Variants in DCAF5 observed in about 807,000 individuals in gnomAD.
DCAF5 encodes DDB1- and CUL4-associated factor 5.
In DCAF5, 9 loss-of-function variants were observed where a neutral mutation model predicts 80.7. The observed-to-expected ratio is 0.11, with a 90% CI of 0.07 to 0.19. The LOEUF (loss-of-function observed/expected upper bound fraction) is 0.19, where lower values mean the gene tolerates loss of function less well. DCAF5 is among the 10% of genes least tolerant of loss of function. The pLI is 1.00. For missense variants in DCAF5, 842 were observed against 1,205.7 expected (o/e 0.70, Z 4.47); for synonymous variants, 433 against 461.9 (o/e 0.94, Z 0.80).
At chr14:69,111,522 AAAAT>A (rs2040365289) in intron 5 of DCAF5, among the ~76,000 whole-genome samples, 1 of 152,244 alleles carries the variant, frequency 6.6e-6, no homozygotes, top group Non-Finnish European at 1.5e-5. Context: ...TTCCTGACAG[AAAAT>A]AAAGAGATTG....
Position 69,053,254 on chromosome 14 carries a change from T to C in DCAF5, c.*603A>G, listed in dbSNP as rs1042474515. The C allele has an allele frequency of 6.6e-6, 1 of 152,304 alleles. No homozygotes were observed. The allele number at this position is 152,304 out of a possible 1,614,324, so 9.4% of individuals were successfully genotyped here. A position where few individuals can be genotyped will look rare whatever the true frequency, so the allele number is the denominator to read the frequency against. On this transcript the variant is annotated 3_prime_UTR_variant, in exon 9 of 9. Transcript: ENST00000341516. ...AAATGCTCAATAAAGAAGTGTTACT[T>C]AGAGAAAACATGGAAGATTTCTTTA... is the stretch of plus-strand genomic sequence containing the variant.
chr14:69,062,368 G>A lies in DCAF5; in HGVS notation c.1074+16C>T. ...TGAGAATTTCTCTAAAAGGACAGAA[G>A]GGGAAGGTGCCTCACCTTGATAATC... On this transcript the variant is annotated intron_variant, in intron 8 of 8. Coordinates refer to ENST00000341516, the MANE Select transcript of DCAF5 (RefSeq NM_003861.3). 1 of 1,612,106 alleles carries A rather than the reference G, an allele frequency of 6.2e-7. No homozygotes were observed. Among genetic ancestry groups the A allele is most frequent in the East Asian group, 2.2e-5 (1 of 44,884 alleles).
At chr14:69,059,816 C>T (rs2038136217) in intron 8 of DCAF5, among the ~76,000 whole-genome samples, 1 of 152,166 alleles carries the variant, frequency 6.6e-6, no homozygotes, top group Admixed American at 6.5e-5. Flanking sequence ...TTTCAAAGGG[C>T]TAAATGTGCC....
chr14:69,135,934 A>G (rs2041177828), intron 1 of DCAF5, among the ~76,000 whole-genome samples: 3 of 152,302 alleles, frequency 2.0e-5, no homozygotes, highest in Admixed American at 6.5e-5. Context: ...AGACAGATCA[A>G]TGGATTTTAA....
At chr14:69,059,991 C>T (rs1404609742) in intron 8 of DCAF5, among the ~76,000 whole-genome samples, 2 of 152,092 alleles carry the variant, frequency 1.3e-5, no homozygotes, top group Non-Finnish European at 2.9e-5. Flanking sequence ...GTTGACTAAA[C>T]AATAAATAGG....
rs1022676459 is a variant in DCAF5, at chr14:69,085,019, A to G, written c.879+6655T>C. On this transcript the variant is annotated intron_variant, in intron 6 of 8. Coordinates refer to ENST00000341516, the MANE Select transcript of DCAF5 (RefSeq NM_003861.3). ...ACTACCTGAAATGATCCAAGGTTCC[A>G]TTAAGTGAATTTGACTTTTCCTGGT... is the stretch of plus-strand genomic sequence containing the variant. 1.9e-5 allele frequency: 26 copies of G among 1,350,364 alleles called. No individual in the cohort carries two copies. In the African/African-American group the frequency reaches 3.3e-4, roughly 17 times the overall value. The allele number at this position is 1,350,364 out of a possible 1,614,324, so 83.6% of individuals were successfully genotyped here. A position where few individuals can be genotyped will look rare whatever the true frequency, so the allele number is the denominator to read the frequency against.
At chr14:69,085,540 TC>T (rs1218830979) in intron 6 of DCAF5, among the ~76,000 whole-genome samples, 2 of 152,248 alleles carry the variant, frequency 1.3e-5, no homozygotes, top group Non-Finnish European at 2.9e-5. Context: ...CACTGTTACT[TC>T]TATCAAGTCT....
At chr14:69,058,307 T>C (rs942964303) in intron 8 of DCAF5, among the ~76,000 whole-genome samples, 1 of 150,408 alleles carries the variant, frequency 6.6e-6, no homozygotes, top group Non-Finnish European at 1.5e-5. Context: ...TCACTTGAGG[T>C]CAGGAATTCG....
At chr14:69,122,702 T>TTTG (rs1555377330) in intron 1 of DCAF5, among the ~76,000 whole-genome samples, 1 of 152,240 alleles carries the variant, frequency 6.6e-6, no homozygotes, top group Non-Finnish European at 1.5e-5. Context: ...GGAAGTCCTT[T>TTTG]TTTGTTTGTT....
chr14:69,092,269 G>A (rs1186521064), intron 5 of DCAF5, among the ~76,000 whole-genome samples: 1 of 152,162 alleles, frequency 6.6e-6, no homozygotes, highest in African/African-American at 2.4e-5. Flanking sequence ...GGTAGTCATG[G>A]ACAGTGTTTA....
intron 8 of DCAF5, among the ~76,000 whole-genome samples, chr14:69,061,206 G>A (rs2038203906): frequency 6.6e-6 from 1 of 151,806 alleles, no homozygotes; most frequent in Non-Finnish European, 1.5e-5. Flanking sequence ...TGCCCAGGCT[G>A]GTCTCAAACT....
rs2037945700 is a variant in DCAF5 at position 69,055,738 on chromosome 14, A to G, written c.1075-127T>C. ...CCTGTAATTTAACTAGGACTTGCTA[A>G]CCAACTTAAAAATAAGTTCTTTACC... is the stretch of plus-strand genomic sequence containing the variant. On this transcript the variant is annotated intron_variant, in intron 8 of 8. Transcript: ENST00000341516. This position sits in a 1 kb window ranked among gnomAD's most constrained non-coding sequence, Gnocchi z 5.6. 2 of 968,702 alleles carry G rather than the reference A, an allele frequency of 2.1e-6. No individual in the cohort carries two copies. The highest frequency in any genetic ancestry group is 3.0e-6 in the Non-Finnish European group (2 of 657,758). 60.0% of individuals were successfully genotyped at this position (968,702 alleles called of 1,614,324 possible). A position where few individuals can be genotyped will look rare whatever the true frequency, so the allele number is the denominator to read the frequency against.
At chr14:69,116,644 T>C in intron 4 of DCAF5, 149 bp from the exon 5 acceptor site, 2 of 853,722 alleles carry the variant, frequency 2.3e-6, no homozygotes, top group East Asian at 2.5e-5. Context: ...ATCCCACCAG[T>C]CACCTCTACT....
At chr14:69,109,792 A>T (rs1279794114) in intron 5 of DCAF5, among the ~76,000 whole-genome samples, 1 of 152,160 alleles carries the variant, frequency 6.6e-6, no homozygotes, top group Non-Finnish European at 1.5e-5. Flanking sequence ...ATGTTCCTGT[A>T]CATGTCTTTG....
intron 6 of DCAF5, chr14:69,084,990 C>T: frequency 7.2e-7 from 1 of 1,392,812 alleles, no homozygotes; most frequent in Non-Finnish European, 1.0e-6. Flanking sequence ...ATTGGGTTTT[C>T]TTCACTACCT....
chr14:69,062,057 C>CT (rs991200330), intron 8 of DCAF5, among the ~76,000 whole-genome samples: 1 of 151,826 alleles, frequency 6.6e-6, no homozygotes, highest in African/African-American at 2.4e-5. Context: ...TTTCTTTCTT[C>CT]TTTTTTTAAA....
intron 2 of DCAF5, among the ~76,000 whole-genome samples, chr14:69,121,154 G>A (rs146821642): frequency 1.1e-4 from 17 of 152,346 alleles, no homozygotes; most frequent in Admixed American, 2.0e-4. Context: ...GGTCAGGCCA[G>A]ACAGATAGAT....
At chr14:69,115,954 C>T (rs1159193135) in intron 5 of DCAF5, among the ~76,000 whole-genome samples, 1 of 152,118 alleles carries the variant, frequency 6.6e-6, no homozygotes, top group Non-Finnish European at 1.5e-5. Flanking sequence ...CCCCTCCAAC[C>T]TAGGCTTAAG....
At chr14:69,075,526 G>T in intron 6 of DCAF5, 115 bp from the exon 7 acceptor site, 1 of 531,632 alleles carries the variant, frequency 1.9e-6, no homozygotes, top group Admixed American at 4.0e-5. Context: ...CTGTTGTCCA[G>T]GCTGGAATAC....
Sources: gnomAD v4.1 joint callset for allele counts (sites outside exome capture counted in the v4.1 genomes callset) on GRCh38, gnomAD v4.1.1 for gene constraint, Gnocchi (gnomAD v3.1) non-coding constraint, MANE v1.5 for transcripts, NCBI Gene and HGNC (gene_info 2026-07-23, HGNC 2026-07-21) for gene names.